The following CELF2 variants were observed in gnomAD, a reference collection of about 807,000 sequenced individuals.
CELF2 encodes the protein CUG triplet repeat RNA-binding protein 2.
A neutral mutation model predicts 62.6 loss-of-function variants in CELF2; 8 were observed. The ratio of observed to expected loss-of-function variants is 0.13; its 90% CI spans 0.07 to 0.23. The LOEUF is 0.23. Among genes scored for constraint, CELF2 ranks in the 10% least tolerant of loss-of-function variants. The pLI is 1.00. For synonymous variants in CELF2, 258 were observed against 250.0 expected (o/e 1.03, Z -0.30); for missense variants, 333 against 671.0 (o/e 0.50, Z 5.56).
At chr10:11,283,349 G>C (rs948506160) in intron 8 of CELF2, among the ~76,000 whole-genome samples, 6 of 152,342 alleles carry the variant, frequency 3.9e-5, no homozygotes, top group Admixed American at 1.3e-4. Context: ...CCAGCAATCT[G>C]CTCGGGTACA....
intron 1 of CELF2, among the ~76,000 whole-genome samples, chr10:11,064,008 C>T (rs926474912): frequency 2.5e-4 from 38 of 152,160 alleles, no homozygotes; most frequent in African/African-American, 8.7e-4. Context: ...CTACAGGAAA[C>T]TAATTCCTGA....
rs1391833915 is a variant in CELF2, at chr10:11,267,922, A to G, written c.618+1245A>G. Among the ~76,000 whole-genome samples, 1 of 152,156 alleles carries G rather than the reference A, an allele frequency of 6.6e-6. No homozygotes were observed. Among genetic ancestry groups the G allele is most frequent in the Non-Finnish European group, 1.5e-5 (1 of 68,036 alleles). On this transcript the variant is annotated intron_variant, in intron 6 of 12. Transcript: ENST00000633077. The surrounding 1 kb of genome is among the most constrained non-coding windows in gnomAD (Gnocchi z 4.4). ...TTCGAACATTGATCTTGACTTTGAT[A>G]TTCCTAACATATCTTATATAATCAC...
chr10:10,523,636 T>C, the CELF2 span, among the ~76,000 whole-genome samples: 1 of 151,598 alleles, frequency 6.6e-6, no homozygotes, highest in Non-Finnish European at 1.5e-5. Flanking sequence ...GGGGACATCA[T>C]GAATCCTTTC....
intron 1 of CELF2, among the ~76,000 whole-genome samples, chr10:10,800,854 CT>C (rs934447065): frequency 2.0e-5 from 3 of 150,868 alleles, no homozygotes; most frequent in South Asian, 2.1e-4. Context: ...TGATGCTTTC[CT>C]TTTTTTTTAA....
At chr10:10,870,758 G>A (rs2060687120) in intron 1 of CELF2, among the ~76,000 whole-genome samples, 1 of 152,162 alleles carries the variant, frequency 6.6e-6, no homozygotes, top group Non-Finnish European at 1.5e-5. Context: ...GCCTTCTGCG[G>A]TCAGGCATGA....
At chr10:10,881,606 T>C (rs962618599) in intron 1 of CELF2, among the ~76,000 whole-genome samples, 9 of 152,364 alleles carry the variant, frequency 5.9e-5, no homozygotes, top group African/African-American at 1.9e-4. Flanking sequence ...TGAAATGTTA[T>C]GAGTCAGCTA....
At chr10:10,706,596 G>A in the CELF2 span, among the ~76,000 whole-genome samples, 3 of 152,166 alleles carry the variant, frequency 2.0e-5, no homozygotes, top group African/African-American at 7.2e-5. Context: ...GGAAAATGTG[G>A]TAGAATTCAT....
chr10:11,100,242 A>T (rs1327128544), intron 1 of CELF2, among the ~76,000 whole-genome samples: 1 of 151,944 alleles, frequency 6.6e-6, no homozygotes, highest in Non-Finnish European at 1.5e-5. Flanking sequence ...ATAAATAAAT[A>T]AAGTTTATAA....
At chr10:11,112,174 C>T (rs1208041780) in intron 1 of CELF2, among the ~76,000 whole-genome samples, 1 of 152,244 alleles carries the variant, frequency 6.6e-6, no homozygotes, top group Non-Finnish European at 1.5e-5. Context: ...GCATGTGCCA[C>T]ATTTTACTGG....
intron 2 of CELF2, among the ~76,000 whole-genome samples, chr10:10,920,833 G>A (rs569344203): frequency 2.1e-4 from 32 of 151,190 alleles, no homozygotes; most frequent in Non-Finnish European, 4.0e-4. Flanking sequence ...TGGGGAGGGA[G>A]GAAGAAACTT....
chr10:11,223,594 A>G lies in CELF2; in HGVS notation c.354+6087A>G, dbSNP rs2065547303. On this transcript the variant is annotated intron_variant, in intron 3 of 12. Coordinates refer to ENST00000633077, the MANE Select transcript of CELF2 (RefSeq NM_001326342.2). The surrounding 1 kb of genome is among the most constrained non-coding windows in gnomAD (Gnocchi z 5.1). The stretch of plus-strand genomic sequence containing the variant: ...AATAAGGACTTTGTTTCTCTTGGAG[A>G]TGACTTTTTAAGGACTGTGACAGAG... Among the ~76,000 whole-genome samples, 2 of 152,242 alleles carry G rather than the reference A, an allele frequency of 1.3e-5. No homozygotes were observed. Among genetic ancestry groups the G allele is most frequent in the Admixed American group, 6.5e-5 (1 of 15,286 alleles).
At chr10:11,193,995 G>C (rs1279838323) in intron 2 of CELF2, among the ~76,000 whole-genome samples, 1 of 152,130 alleles carries the variant, frequency 6.6e-6, no homozygotes, top group Non-Finnish European at 1.5e-5. Flanking sequence ...GACTTACAGT[G>C]TTGAAACTCT....
At chr10:10,920,149 A>G in intron 2 of CELF2, 1 of 430,048 alleles carries the variant, frequency 2.3e-6, no homozygotes, top group Non-Finnish European at 3.9e-6. Context: ...AATGCCAAAA[A>G]TTATGCATGC....
At chr10:10,464,584 G>T in the CELF2 span, among the ~76,000 whole-genome samples, 1 of 152,040 alleles carries the variant, frequency 6.6e-6, no homozygotes, top group East Asian at 1.9e-4. Flanking sequence ...TTTCCTTCTG[G>T]CTTAAAATAA....
At chr10:11,142,683 CA>C (rs1006618543) in intron 1 of CELF2, among the ~76,000 whole-genome samples, 219 of 63,738 alleles carry the variant, frequency 3.4e-3, no homozygotes, top group South Asian at 0.011. Flanking sequence ...GACGCTGTCT[CA>C]AAAAAAAAAA....
At chr10:10,968,731 GAA>G (rs79085783) in intron 2 of CELF2, among the ~76,000 whole-genome samples, 4 of 145,300 alleles carry the variant, frequency 2.8e-5, no homozygotes, top group East Asian at 3.9e-4. Flanking sequence ...GTGGTGAAAA[GAA>G]AAAAAAAAAC....
At chr10:10,708,640 T>G in the CELF2 span, among the ~76,000 whole-genome samples, 1 of 152,178 alleles carries the variant, frequency 6.6e-6, no homozygotes, top group African/African-American at 2.4e-5. Context: ...TTATTCTATT[T>G]TAGAGCTATT....
At chr10:10,674,580 A>G in the CELF2 span, among the ~76,000 whole-genome samples, 2 of 151,982 alleles carry the variant, frequency 1.3e-5, no homozygotes, top group Non-Finnish European at 2.9e-5. Flanking sequence ...TTTTGTTGCT[A>G]TTGTTCTTTG....
the CELF2 span, among the ~76,000 whole-genome samples, chr10:10,534,957 C>T: frequency 6.6e-6 from 1 of 152,224 alleles, no homozygotes; most frequent in South Asian, 2.1e-4. Flanking sequence ...TAGATTAATA[C>T]CACATAACTT....
Sources: allele counts gnomAD v4.1 joint callset (sites outside exome capture counted in the v4.1 genomes callset), GRCh38; gene constraint gnomAD v4.1.1; non-coding constraint Gnocchi (gnomAD v3.1); transcripts MANE v1.5; gene names NCBI Gene and HGNC (gene_info 2026-07-23, HGNC 2026-07-21).